Variants in MED27 observed in about 807,000 individuals in gnomAD.
The protein encoded by MED27 is mediator complex subunit 27.
A neutral mutation model predicts 38.2 loss-of-function variants in MED27; 30 were observed. That is an observed-to-expected ratio of 0.79 (90% CI 0.59 to 1.07). The LOEUF is 1.07. Ranked by LOEUF, MED27 falls within the 50% of genes least tolerant of loss-of-function variation. MED27 has a pLI of 0.00. For missense variants in MED27, 289 were observed against 397.5 expected, an observed-to-expected ratio of 0.73 and a Z score of 2.32; for synonymous variants, 122 against 153.5, an observed-to-expected ratio of 0.79 and a Z score of 1.52.
At chr9:131,968,057 T>C (rs1831389630) in intron 3 of MED27, among the ~76,000 whole-genome samples, 2 of 151,512 alleles carry the variant, frequency 1.3e-5, no homozygotes, top group Non-Finnish European at 2.9e-5. Flanking sequence ...CCTGACCTCA[T>C]GATCCGCTCG....
In MED27 at chr9:131,910,105, C is replaced by T. The variant is rs377458148; in HGVS notation, c.574-16113G>A. ...ACCACGATATAAGGGGAAACCGAGG[C>T]GCTGGTATTTAAGAGTCTTGTTTAT... On this transcript the variant is annotated intron_variant, in intron 4 of 7. Coordinates refer to ENST00000292035, the MANE Select transcript of MED27 (RefSeq NM_004269.4). Among the ~76,000 whole-genome samples, 10 of 152,252 alleles carry T rather than the reference C, an allele frequency of 6.6e-5. No individual in the cohort carries two copies. The East Asian group carries it at 9.6e-4, about 15-fold the overall frequency.
intron 3 of MED27, among the ~76,000 whole-genome samples, chr9:131,973,908 G>T (rs377746943): frequency 6.6e-6 from 1 of 151,182 alleles, no homozygotes; most frequent in East Asian, 1.9e-4. Flanking sequence ...TAATAGAGAC[G>T]GGTTTCACCA....
chr9:132,071,712 C>T (rs1451626316), intron 2 of MED27, among the ~76,000 whole-genome samples: 2 of 151,232 alleles, frequency 1.3e-5, no homozygotes, highest in Non-Finnish European at 2.9e-5. Context: ...CGTCCATGAA[C>T]AAGCACATAT....
At chr9:131,958,312 T>C (rs1831146703) in intron 3 of MED27, among the ~76,000 whole-genome samples, 1 of 151,570 alleles carries the variant, frequency 6.6e-6, no homozygotes, top group Non-Finnish European at 1.5e-5. Flanking sequence ...TGGCGCGATC[T>C]CAGCTCACTG....
intron 3 of MED27, among the ~76,000 whole-genome samples, chr9:131,959,953 TGA>T (rs1226154574): frequency 6.6e-6 from 1 of 152,140 alleles, no homozygotes; most frequent in African/African-American, 2.4e-5. Context: ...GGACTAAAGA[TGA>T]GTATTTTAAC....
intron 2 of MED27, among the ~76,000 whole-genome samples, chr9:132,031,089 G>A (rs1274327997): frequency 6.6e-6 from 1 of 152,186 alleles, no homozygotes; most frequent in Non-Finnish European, 1.5e-5. Context: ...GGCCTGGAAG[G>A]CCAGGTGTCA....
intron 3 of MED27, among the ~76,000 whole-genome samples, chr9:131,961,921 T>C (rs1338292359): frequency 6.6e-6 from 1 of 152,212 alleles, no homozygotes; most frequent in African/African-American, 2.4e-5. Context: ...CAAAAGTTGA[T>C]AGATTTAAGA....
intron 4 of MED27, among the ~76,000 whole-genome samples, chr9:131,927,913 G>A (rs1304041220): frequency 6.6e-6 from 1 of 152,176 alleles, no homozygotes; most frequent in Admixed American, 6.5e-5. Flanking sequence ...CTTCTTGGCA[G>A]GGACTGCTTG....
At chr9:131,866,623 C>A (rs541393534) in intron 6 of MED27, among the ~76,000 whole-genome samples, 1 of 152,232 alleles carries the variant, frequency 6.6e-6, no homozygotes. Flanking sequence ...ACGCCTTGGG[C>A]GAGGCACTTC....
intron 4 of MED27, among the ~76,000 whole-genome samples, chr9:131,895,318 T>G (rs1219400892): frequency 6.6e-6 from 1 of 152,158 alleles, no homozygotes; most frequent in African/African-American, 2.4e-5. Flanking sequence ...GGTTTTGACG[T>G]CACAGAATTT....
intron 3 of MED27, among the ~76,000 whole-genome samples, chr9:131,956,436 C>T (rs1023744146): frequency 2.0e-5 from 3 of 151,908 alleles, no homozygotes; most frequent in Non-Finnish European, 4.4e-5. Flanking sequence ...GCCAACATGG[C>T]GAAACCCCAT....
At chr9:131,866,467 G>A (rs1228639990) in intron 6 of MED27, among the ~76,000 whole-genome samples, 1 of 103,956 alleles carries the variant, frequency 9.6e-6, no homozygotes, top group Non-Finnish European at 2.2e-5. Flanking sequence ...TCTTCCCCCT[G>A]CCTCATACCC....
At chr9:132,038,816 G>A (rs1449858197) in intron 2 of MED27, among the ~76,000 whole-genome samples, 3 of 152,178 alleles carry the variant, frequency 2.0e-5, no homozygotes, top group Non-Finnish European at 4.4e-5. Context: ...AAGAAGGAAG[G>A]AGCTGAGGTG....
At chr9:132,022,501 C>T (rs1312069780) in intron 2 of MED27, among the ~76,000 whole-genome samples, 1 of 152,136 alleles carries the variant, frequency 6.6e-6, no homozygotes, top group Admixed American at 6.6e-5. Flanking sequence ...CACTGAAATC[C>T]TGTATTATAA....
At chr9:132,076,816 T>C (rs1834058790) in intron 2 of MED27, among the ~76,000 whole-genome samples, 1 of 152,238 alleles carries the variant, frequency 6.6e-6, no homozygotes, top group African/African-American at 2.4e-5. Context: ...GCCTAATTGT[T>C]TCTGTTATTT....
intron 4 of MED27, among the ~76,000 whole-genome samples, chr9:131,909,863 C>A (rs1036272209): frequency 6.6e-6 from 1 of 152,068 alleles, no homozygotes; most frequent in Non-Finnish European, 1.5e-5. Context: ...TATTTTGCTT[C>A]TATTTAGGGT....
At chr9:132,010,245 A>G (rs1015278950) in intron 3 of MED27, among the ~76,000 whole-genome samples, 3 of 152,250 alleles carry the variant, frequency 2.0e-5, no homozygotes, top group Non-Finnish European at 4.4e-5. Context: ...ACTTCTCAAA[A>G]GAAGACATTT....
In MED27 at chr9:131,916,278, A is replaced by G. The variant is rs575270057; in HGVS notation, c.574-22286T>C. 3.9e-5 allele frequency among the ~76,000 whole-genome samples: 6 copies of G among 152,358 alleles called. No homozygotes were observed. In the South Asian group the frequency reaches 1.2e-3, roughly 32 times the overall value. On this transcript the variant is annotated intron_variant, in intron 4 of 7. Coordinates refer to ENST00000292035, the MANE Select transcript of MED27 (RefSeq NM_004269.4). ...TTTAATATAGCCCTGGAAGGTTTCAATTATTTACACGCTTGGTCTATACAG... is the reference window on the plus strand; with the variant it reads ...TTTAATATAGCCCTGGAAGGTTTCAGTTATTTACACGCTTGGTCTATACAG...
At chr9:131,921,974 G>A (rs1830399378) in intron 4 of MED27, among the ~76,000 whole-genome samples, 2 of 148,376 alleles carry the variant, frequency 1.3e-5, no homozygotes, top group Admixed American at 6.8e-5. Flanking sequence ...ACTGAATAAT[G>A]AGAACACTTG....
Sources: gnomAD v4.1 joint callset for allele counts (sites outside exome capture counted in the v4.1 genomes callset) on GRCh38, gnomAD v4.1.1 for gene constraint, MANE v1.5 for transcripts, NCBI Gene and HGNC (gene_info 2026-07-23, HGNC 2026-07-21) for gene names.